Variants in RBMS3 observed in about 807,000 individuals in gnomAD.
RBMS3 encodes the protein RNA binding motif single stranded interacting protein 3.
Under a neutral mutation model 66.8 loss-of-function variants are expected in RBMS3, and 27 were observed. The ratio of observed to expected loss-of-function variants is 0.40; its 90% CI spans 0.30 to 0.56. The LOEUF is 0.56. Ranked by LOEUF, RBMS3 falls within the 20% of genes least tolerant of loss-of-function variation. RBMS3 has a pLI of 0.40. For missense variants in RBMS3, 513 were observed against 549.5 expected, an observed-to-expected ratio of 0.93 and a Z score of 0.66; for synonymous variants, 188 against 183.0, an observed-to-expected ratio of 1.03 and a Z score of -0.22.
intron 1 of RBMS3, among the ~76,000 whole-genome samples, chr3:29,358,695 A>AT (rs2037379002): frequency 6.6e-6 from 1 of 152,102 alleles, no homozygotes; most frequent in Non-Finnish European, 1.5e-5. Context: ...ATGTTCTTCC[A>AT]TTTTTTTGTG....
intron 1 of RBMS3, among the ~76,000 whole-genome samples, chr3:29,361,158 T>A (rs1345849415): frequency 6.6e-6 from 1 of 152,108 alleles, no homozygotes; most frequent in Non-Finnish European, 1.5e-5. Flanking sequence ...GTCTTTACAA[T>A]TTAGCATGTT....
At chr3:29,471,001 T>G (rs2042706531) in intron 2 of RBMS3, among the ~76,000 whole-genome samples, 1 of 152,156 alleles carries the variant, frequency 6.6e-6, no homozygotes, top group South Asian at 2.1e-4. Flanking sequence ...TAATAGATAT[T>G]TATATTAAAT....
At chr3:29,683,600 A>G (rs991047764) in intron 4 of RBMS3, among the ~76,000 whole-genome samples, 1 of 152,174 alleles carries the variant, frequency 6.6e-6, no homozygotes, top group Non-Finnish European at 1.5e-5. Context: ...AGACACACAC[A>G]CACACAAACA....
chr3:29,531,678 A>C (rs940394137), intron 3 of RBMS3, among the ~76,000 whole-genome samples: 1 of 152,196 alleles, frequency 6.6e-6, no homozygotes, highest in African/African-American at 2.4e-5. Context: ...TGAGCATCTC[A>C]AGTGTTCTTG....
chr3:29,638,383 T>A (rs771249888), intron 4 of RBMS3, among the ~76,000 whole-genome samples: 5 of 151,844 alleles, frequency 3.3e-5, no homozygotes, highest in Non-Finnish European at 5.9e-5. Context: ...GATGGCTATA[T>A]AGTTAAAATT....
At chr3:29,937,169 T>G (rs2061287363) in intron 11 of RBMS3, among the ~76,000 whole-genome samples, 1 of 152,108 alleles carries the variant, frequency 6.6e-6, no homozygotes, top group Admixed American at 6.6e-5. Flanking sequence ...CTGTAGTTTC[T>G]GTCAATTTTT....
At chr3:29,302,292 G>T (rs972695791) in intron 1 of RBMS3, among the ~76,000 whole-genome samples, 1 of 152,074 alleles carries the variant, frequency 6.6e-6, no homozygotes, top group Admixed American at 6.5e-5. Context: ...GATTACAGGC[G>T]TGAGCTACAG....
At chr3:29,825,678 C>T (rs755829866) in intron 6 of RBMS3, among the ~76,000 whole-genome samples, 26 of 152,134 alleles carry the variant, frequency 1.7e-4, no homozygotes, top group Non-Finnish European at 3.1e-4. Context: ...TCAATTAAAC[C>T]TCTTTCCTTT....
intron 1 of RBMS3, among the ~76,000 whole-genome samples, chr3:29,415,772 G>GA (rs1280783981): frequency 1.4e-5 from 2 of 141,668 alleles, no homozygotes; most frequent in Non-Finnish European, 3.2e-5. Flanking sequence ...TCATGACAAT[G>GA]AAATTTTTTT....
At chr3:29,585,864 CA>C (rs1469171989) in intron 3 of RBMS3, among the ~76,000 whole-genome samples, 1 of 152,044 alleles carries the variant, frequency 6.6e-6, no homozygotes, top group Non-Finnish European at 1.5e-5. Context: ...GAGCATTTTA[CA>C]GTACACTGCT....
At position 29,869,260 on chromosome 3, in the gene RBMS3, G is replaced by A. The variant is rs2059433159; in HGVS notation, c.744+296G>A. Among the ~76,000 whole-genome samples the A allele has an allele frequency of 5.3e-5, 8 of 152,224 alleles. No homozygotes were observed. In the South Asian group the frequency reaches 1.7e-3, roughly 32 times the overall value. On this transcript the variant is annotated intron_variant, in intron 7 of 14. Coordinates refer to ENST00000383767, the MANE Select transcript of RBMS3 (RefSeq NM_001003793.3). The stretch of plus-strand genomic sequence containing the variant: ...CTACAAAGAATTGATTTCTATTTGT[G>A]TAATAGCTATAAAATGAGGGTATAA...
chr3:29,744,366 G>A (rs2054779207), intron 5 of RBMS3, among the ~76,000 whole-genome samples: 1 of 152,114 alleles, frequency 6.6e-6, no homozygotes, highest in Non-Finnish European at 1.5e-5. Context: ...TGATGATAAT[G>A]ATAAACCAAT....
chr3:29,555,541 G>C (rs1364923777), intron 3 of RBMS3, among the ~76,000 whole-genome samples: 3 of 152,108 alleles, frequency 2.0e-5, no homozygotes, highest in Admixed American at 6.6e-5. Flanking sequence ...ATGCTGTGTT[G>C]CTGAGTTTAT....
chr3:29,573,991 C>T (rs2047025921), intron 3 of RBMS3, among the ~76,000 whole-genome samples: 1 of 152,096 alleles, frequency 6.6e-6, no homozygotes, highest in Non-Finnish European at 1.5e-5. Context: ...ATAATCTATC[C>T]TAGAGAATGA....
At chr3:29,894,500 G>C (rs1408255386) in intron 8 of RBMS3, among the ~76,000 whole-genome samples, 1 of 151,402 alleles carries the variant, frequency 6.6e-6, no homozygotes, top group Non-Finnish European at 1.5e-5. Flanking sequence ...GTGCGTGTGA[G>C]AGAGCCTGAG....
At chr3:29,497,969 A>ATCCTTTTT (rs1553611689) in intron 3 of RBMS3, among the ~76,000 whole-genome samples, 18 of 59,322 alleles carry the variant, frequency 3.0e-4, no homozygotes, top group Non-Finnish European at 4.1e-4. Context: ...CTCTAAAAGT[A>ATCCTTTTT]TTCATTTTTT....
intron 2 of RBMS3, among the ~76,000 whole-genome samples, chr3:29,455,170 C>T (rs1015660859): frequency 8.5e-5 from 13 of 152,110 alleles, no homozygotes; most frequent in African/African-American, 2.4e-4. Flanking sequence ...TGTATGTTCC[C>T]GTTTCACTTT....
intron 14 of RBMS3, 124 bp downstream of exon 14, chr3:29,991,333 T>C (rs1231639373): frequency 2.7e-6 from 4 of 1,489,290 alleles, no homozygotes; most frequent in Non-Finnish European, 3.6e-6. Context: ...CAGGCATTTA[T>C]TTAGCTCATG....
intron 10 of RBMS3, 100 bp from the exon 11 acceptor site, chr3:29,935,986 A>T (rs2061255851): frequency 1.0e-6 from 1 of 974,840 alleles, no homozygotes; most frequent in Non-Finnish European, 1.5e-6. Context: ...AAAAGTAAAA[A>T]CATTTGATGT....
Sources: allele counts gnomAD v4.1 joint callset (sites outside exome capture counted in the v4.1 genomes callset), GRCh38; gene constraint gnomAD v4.1.1; transcripts MANE v1.5; gene names NCBI Gene and HGNC (gene_info 2026-07-23, HGNC 2026-07-21).